GRID2: variants seen among roughly 807,000 people sequenced by gnomAD.
GRID2 encodes the protein glutamate receptor ionotropic, delta-2.
Under a neutral mutation model 114.8 loss-of-function variants are expected in GRID2, and 33 were observed. That is an observed-to-expected ratio of 0.29 (90% CI 0.22 to 0.38). The LOEUF (loss-of-function observed/expected upper bound fraction) is 0.38. Ranked by LOEUF, GRID2 falls within the 10% of genes least tolerant of loss-of-function variation. GRID2 has a pLI of 1.00. For missense variants in GRID2, 1,184 were observed against 1,257.7 expected (o/e 0.94, Z 0.89); for synonymous variants, 505 against 449.9 (o/e 1.12, Z -1.55).
chr4:92,770,684 T>C (rs1738497841), intron 2 of GRID2, among the ~76,000 whole-genome samples: 1 of 152,028 alleles, frequency 6.6e-6, no homozygotes, highest in Admixed American at 6.6e-5. Context: ...GCGGGGAAAC[T>C]CCCATTTTTA....
intron 11 of GRID2, among the ~76,000 whole-genome samples, chr4:93,458,399 G>A (rs186520956): frequency 6.6e-6 from 1 of 152,286 alleles, no homozygotes; most frequent in African/African-American, 2.4e-5. Context: ...ATGTCTGGTG[G>A]TTGATGCGGT....
intron 13 of GRID2, among the ~76,000 whole-genome samples, chr4:93,552,703 A>T (rs1005069988): frequency 6.6e-6 from 1 of 152,182 alleles, no homozygotes; most frequent in Non-Finnish European, 1.5e-5. Context: ...TTACATAGGT[A>T]TACATGTGCC....
At chr4:92,971,467 T>C (rs1313764883) in intron 2 of GRID2, among the ~76,000 whole-genome samples, 1 of 152,086 alleles carries the variant, frequency 6.6e-6, no homozygotes, top group Non-Finnish European at 1.5e-5. Context: ...TTTTAATATA[T>C]GTGTATATGT....
Position 93,457,248 on chromosome 4 carries a change from G to A in GRID2, c.1858+1274G>A, listed in dbSNP as rs531914573. Among the ~76,000 whole-genome samples, 3 of 152,208 alleles carry A rather than the reference G, an allele frequency of 2.0e-5. No homozygotes were observed. The South Asian group carries it at 6.2e-4, about 32-fold the overall frequency. On this transcript the variant is annotated intron_variant, in intron 11 of 15. Coordinates refer to ENST00000282020, the MANE Select transcript of GRID2 (RefSeq NM_001510.4). The stretch of plus-strand genomic sequence containing the variant: ...AATATATGTTAATGTCGCAGAGAAG[G>A]CTTTTTAAAGTAACACTTTATACAG...
chr4:93,724,699 G>A (rs181642987), intron 14 of GRID2, among the ~76,000 whole-genome samples: 106 of 152,226 alleles, frequency 7.0e-4, no homozygotes, highest in African/African-American at 2.4e-3. Flanking sequence ...GAGAGAAGAG[G>A]AGGGACAGTT....
intron 8 of GRID2, among the ~76,000 whole-genome samples, chr4:93,344,869 G>A (rs1760048947): frequency 6.6e-6 from 1 of 151,698 alleles, no homozygotes; most frequent in African/African-American, 2.4e-5. Flanking sequence ...GTGAGATCAT[G>A]TAGTATTTGT....
chr4:93,308,142 C>T (rs1428545146), intron 8 of GRID2, among the ~76,000 whole-genome samples: 1 of 152,112 alleles, frequency 6.6e-6, no homozygotes, highest in African/African-American at 2.4e-5. Flanking sequence ...GGACTTTCTA[C>T]CCTCAGTGCT....
intron 1 of GRID2, among the ~76,000 whole-genome samples, chr4:92,415,688 A>C (rs7434530): frequency 1.7e-5 from 2 of 119,804 alleles, no homozygotes; most frequent in South Asian, 2.9e-4. Flanking sequence ...TGGCGTGTGT[A>C]TGTGTGTGTG....
intron 1 of GRID2, among the ~76,000 whole-genome samples, chr4:92,522,367 A>G (rs1330532581): frequency 6.6e-6 from 1 of 151,982 alleles, no homozygotes; most frequent in Non-Finnish European, 1.5e-5. Flanking sequence ...AAGACGATGC[A>G]GGGCGTTATA....
chr4:93,211,326 A>G lies in GRID2; in HGVS notation c.789+3869A>G, dbSNP rs140841953. Among the ~76,000 whole-genome samples, 1,342 of 152,224 alleles carry G rather than the reference A, an allele frequency of 8.8e-3. 20 individuals are homozygous for G. Among genetic ancestry groups the G allele is most frequent in the African/African-American group, 0.031 (1,277 of 41,552 alleles). ...TCATTGGTAATAAATAGTATGGAAA[A>G]AATAATAAAAATTTATGTTTTATTG... On this transcript the variant is annotated intron_variant, in intron 5 of 15. Transcript: ENST00000282020.
chr4:92,657,845 T>C (rs1312390230), intron 2 of GRID2, among the ~76,000 whole-genome samples: 2 of 151,800 alleles, frequency 1.3e-5, no homozygotes, highest in Non-Finnish European at 2.9e-5. Flanking sequence ...AGAATATAAT[T>C]AGTTGAAATC....
chr4:93,285,398 A>C (rs1753049616), intron 8 of GRID2, among the ~76,000 whole-genome samples: 1 of 152,066 alleles, frequency 6.6e-6, no homozygotes, highest in Non-Finnish European at 1.5e-5. Flanking sequence ...TTTCTATATA[A>C]ACCTTTATCA....
chr4:93,179,014 A>G (rs1739634924), intron 4 of GRID2, among the ~76,000 whole-genome samples: 1 of 152,112 alleles, frequency 6.6e-6, no homozygotes, highest in African/African-American at 2.4e-5. Context: ...TGCTTGATAT[A>G]TGAAATTAAA....
In GRID2 at chr4:93,772,486, C is replaced by T; in HGVS notation, c.3012C>T (p.Gly1004=). The T allele has an allele frequency of 1.3e-6, 2 of 1,591,044 alleles. No homozygotes were observed. Among genetic ancestry groups the T allele is most frequent in the Non-Finnish European group, 1.7e-6 (2 of 1,168,112 alleles). ...ATCTGGGTAATGATCCAGACCGAGG[C>T]ACCTCCATATGAGCATCAAACAAAT... The part of the protein sequence containing the change: ...GLNLGNDPDR[G]TSI Residue 1004 remains glycine (G), a synonymous_variant, in exon 16 of 16, where the codon GGC becomes GGT. Coordinates refer to ENST00000282020, the MANE Select transcript of GRID2 (RefSeq NM_001510.4).
At chr4:93,767,751 C>T (rs1733785861) in intron 14 of GRID2, among the ~76,000 whole-genome samples, 2 of 152,144 alleles carry the variant, frequency 1.3e-5, no homozygotes, top group South Asian at 4.1e-4. Flanking sequence ...TGACATGAAA[C>T]AGGTAAAAAG....
At chr4:93,481,944 G>T (rs1725917767) in intron 11 of GRID2, among the ~76,000 whole-genome samples, 1 of 151,952 alleles carries the variant, frequency 6.6e-6, no homozygotes, top group Non-Finnish European at 1.5e-5. Flanking sequence ...TTGAAATTCA[G>T]ATTACAGAAG....
In GRID2 at chr4:93,035,411, G is replaced by T. The variant is rs117517689; in HGVS notation, c.245-49584G>T. On this transcript the variant is annotated intron_variant, in intron 2 of 15. Transcript: ENST00000282020. The stretch of plus-strand genomic sequence containing the variant: ...TTGCAGGTGTGATCCACTGCATCCT[G>T]CCTTTAACTAGTTTTATCTTGCATT... Among the ~76,000 whole-genome samples, 389 of 152,226 alleles carry T rather than the reference G, an allele frequency of 2.6e-3. 9 individuals carry two copies. The East Asian group carries it at 0.056, about 22-fold the overall frequency.
At chr4:92,971,973 A>T (rs1394433558) in intron 2 of GRID2, among the ~76,000 whole-genome samples, 2 of 152,090 alleles carry the variant, frequency 1.3e-5, no homozygotes, top group African/African-American at 4.8e-5. Context: ...CATCTTGGCT[A>T]TTGAGAATAA....
At chr4:93,002,634 T>TC (rs1721115574) in intron 2 of GRID2, among the ~76,000 whole-genome samples, 2 of 151,580 alleles carry the variant, frequency 1.3e-5, no homozygotes, top group African/African-American at 4.8e-5. Flanking sequence ...TTTCTATTTT[T>TC]CCCCCCGGTA....
Sources: gnomAD v4.1 joint callset for allele counts (sites outside exome capture counted in the v4.1 genomes callset) on GRCh38, gnomAD v4.1.1 for gene constraint, MANE v1.5 for transcripts, NCBI Gene and HGNC (gene_info 2026-07-23, HGNC 2026-07-21) for gene names.